The following ADAMTSL1 variants were observed in gnomAD, a reference collection of about 807,000 sequenced individuals.
ADAMTSL1 encodes ADAMTS-like protein 1.
In ADAMTSL1, 126 loss-of-function variants were observed where a neutral mutation model predicts 201.8. The ratio of observed to expected loss-of-function variants is 0.62; its 90% CI spans 0.54 to 0.72. The LOEUF is 0.72. Ranked by LOEUF, ADAMTSL1 falls within the 30% of genes least tolerant of loss-of-function variation. ADAMTSL1 has a pLI of 0.00. For synonymous variants in ADAMTSL1, 1,121 were observed against 903.4 expected, an observed-to-expected ratio of 1.24 and a Z score of -4.32; for missense variants, 2,679 against 2,277.8, an observed-to-expected ratio of 1.18 and a Z score of -3.59.
chr9:18,302,580 T>C (rs1833748816), intron 2 of ADAMTSL1, among the ~76,000 whole-genome samples: 1 of 152,192 alleles, frequency 6.6e-6, no homozygotes, highest in South Asian at 2.1e-4. Flanking sequence ...CAGTGCTAGG[T>C]ATAGAGTGAG....
intron 2 of ADAMTSL1, among the ~76,000 whole-genome samples, chr9:18,335,226 G>A (rs1018119693): frequency 1.5e-4 from 23 of 152,020 alleles, no homozygotes; most frequent in African/African-American, 5.3e-4. Flanking sequence ...AAAATATATT[G>A]AACATGTCCC....
chr9:18,655,484 G>C (rs1828570552), intron 7 of ADAMTSL1, among the ~76,000 whole-genome samples: 1 of 152,156 alleles, frequency 6.6e-6, no homozygotes, highest in Non-Finnish European at 1.5e-5. Flanking sequence ...AACCAAATGT[G>C]TCAAACTGAA....
At position 17,972,140 on chromosome 9, in the gene ADAMTSL1, C is replaced by T. The variant is rs150538713; in HGVS notation, c.87+65218C>T. Among the ~76,000 whole-genome samples, 478 of 151,388 alleles carry T rather than the reference C, an allele frequency of 3.2e-3. 10 individuals are homozygous for T. The highest frequency in any genetic ancestry group is 0.026 in the Admixed American group (396 of 15,172). ...GGTGAGAACATTTAAGTTCTATTTT[C>T]TTTTTCTTTTTTTTAAATTTTTTTA... On this transcript the variant is annotated intron_variant, in intron 1 of 29. Coordinates refer to the ADAMTSL1 transcript ENST00000680146.
Position 18,441,682 on chromosome 9 carries a change from AT to A in ADAMTSL1, c.208-63138del, listed in dbSNP as rs11385744. Among the ~76,000 whole-genome samples, 15 of 151,436 alleles carry A rather than the reference AT, an allele frequency of 9.9e-5. No homozygotes were observed. The East Asian group carries it at 2.3e-3, about 23-fold the overall frequency. ...CCTGCTGAGTTTGTAAAAGGAATCCATTTTTTTTTCTATAATAGGAGATGCT... is the reference window on the plus strand; with the variant it reads ...CCTGCTGAGTTTGTAAAAGGAATCCATTTTTTTTCTATAATAGGAGATGCT... On this transcript the variant is annotated intron_variant, in intron 2 of 29. Coordinates refer to the ADAMTSL1 transcript ENST00000680146.
chr9:18,006,633 C>T (rs1449167153), intron 1 of ADAMTSL1, among the ~76,000 whole-genome samples: 3 of 151,948 alleles, frequency 2.0e-5, no homozygotes, highest in Non-Finnish European at 2.9e-5. Flanking sequence ...TCTCTCTTGG[C>T]CTCAGATTCC....
intron 2 of ADAMTSL1, among the ~76,000 whole-genome samples, chr9:18,310,123 TG>T (rs1834063503): frequency 6.6e-6 from 1 of 151,958 alleles, no homozygotes. Context: ...TTAGGAAAAC[TG>T]GCTAGCCATA....
intron 1 of ADAMTSL1, among the ~76,000 whole-genome samples, chr9:17,907,906 C>T (rs1448447237): frequency 6.6e-6 from 1 of 152,124 alleles, no homozygotes; most frequent in African/African-American, 2.4e-5. Context: ...TGGGAAAATA[C>T]CCAAATACTC....
intron 2 of ADAMTSL1, among the ~76,000 whole-genome samples, chr9:18,306,463 T>C (rs1473097529): frequency 6.6e-6 from 1 of 152,052 alleles, no homozygotes; most frequent in Non-Finnish European, 1.5e-5. Context: ...GTTAGAGAAA[T>C]TGCTAACTAG....
chr9:18,808,846 C>G (rs1823322974), intron 20 of ADAMTSL1, among the ~76,000 whole-genome samples: 1 of 152,204 alleles, frequency 6.6e-6, no homozygotes, highest in South Asian at 2.1e-4. Flanking sequence ...CTATAACTTG[C>G]TAGTTCTGTT....
intron 7 of ADAMTSL1, among the ~76,000 whole-genome samples, chr9:18,639,637 C>A (rs1170595075): frequency 1.3e-5 from 2 of 151,964 alleles, no homozygotes; most frequent in African/African-American, 4.8e-5. Flanking sequence ...TTAATACAAT[C>A]TTTATTATGT....
At chr9:17,976,867 C>T (rs1202007751) in intron 1 of ADAMTSL1, among the ~76,000 whole-genome samples, 1 of 151,860 alleles carries the variant, frequency 6.6e-6, no homozygotes, top group Non-Finnish European at 1.5e-5. Context: ...ACTATCAATA[C>T]AATTTTGAAT....
chr9:18,566,657 A>T (rs1253650529), intron 3 of ADAMTSL1, among the ~76,000 whole-genome samples: 2 of 152,084 alleles, frequency 1.3e-5, no homozygotes, highest in Non-Finnish European at 2.9e-5. Flanking sequence ...CTAAAGTAAG[A>T]GTGTTCCTGG....
chr9:18,283,966 C>G (rs185999239), intron 2 of ADAMTSL1, among the ~76,000 whole-genome samples: 64 of 134,466 alleles, frequency 4.8e-4, no homozygotes, highest in Admixed American at 9.6e-4. Context: ...TGTGGTGGCT[C>G]ACACCTGTAA....
At position 18,887,821 on chromosome 9, in the gene ADAMTSL1, C is replaced by G. The variant is rs1274061053; in HGVS notation, c.4250-10C>G. 6.2e-7 allele frequency: 1 copy of G among 1,611,782 alleles called. No homozygotes were observed. Among genetic ancestry groups the G allele is most frequent in the South Asian group, 1.1e-5 (1 of 90,568 alleles). On this transcript the variant is annotated splice_polypyrimidine_tract_variant and intron_variant, in intron 23 of 28. Coordinates refer to ENST00000380548, the MANE Select transcript of ADAMTSL1 (RefSeq NM_001040272.6). ...TTTACTAAGGCTTACTTCTTTTCCT[C>G]TCCTTCTAGGCTGCCCCATCAAAGG...
At chr9:18,300,822 C>G (rs900897219) in intron 2 of ADAMTSL1, among the ~76,000 whole-genome samples, 2 of 152,024 alleles carry the variant, frequency 1.3e-5, no homozygotes, top group African/African-American at 4.8e-5. Flanking sequence ...GAAATTGGAG[C>G]AGAAATGTGC....
At chr9:18,514,337 T>TC (rs1818231726) in intron 2 of ADAMTSL1, among the ~76,000 whole-genome samples, 1 of 139,166 alleles carries the variant, frequency 7.2e-6, no homozygotes, top group Non-Finnish European at 1.5e-5. Flanking sequence ...CTTTTTTTTT[T>TC]TTTTTTTTTT....
At position 18,706,709 on chromosome 9, in the gene ADAMTSL1, C is replaced by A. The variant is rs76312410; in HGVS notation, c.1575-38C>A. ...AGCCCCCATGGCTTCCTGCCTGGGG[C>A]TTCTCATCCTGTCCTCTTGTTTGCT... On this transcript the variant is annotated intron_variant, in intron 13 of 28. Coordinates refer to ENST00000380548, the MANE Select transcript of ADAMTSL1 (RefSeq NM_001040272.6). 1.1e-3 allele frequency: 1,641 copies of A among 1,536,412 alleles called. 11 individuals carry two copies. In the African/African-American group the frequency reaches 0.016, roughly 15 times the overall value.
chr9:18,820,081 G>C (rs924180088), intron 21 of ADAMTSL1, among the ~76,000 whole-genome samples: 2 of 152,218 alleles, frequency 1.3e-5, no homozygotes, highest in African/African-American at 4.8e-5. Context: ...CTGCCAGTAG[G>C]TAATACTCTA....
At chr9:18,106,428 T>C (rs113551904) in intron 1 of ADAMTSL1, among the ~76,000 whole-genome samples, 2,465 of 152,326 alleles carry the variant, frequency 0.016, 29 homozygotes, top group Non-Finnish European at 0.027. Flanking sequence ...CATTTCTCAA[T>C]GGAACCCCTG....
Sources: gnomAD v4.1 joint callset for allele counts (sites outside exome capture counted in the v4.1 genomes callset) on GRCh38, gnomAD v4.1.1 for gene constraint, MANE v1.5 for transcripts, NCBI Gene and HGNC (gene_info 2026-07-23, HGNC 2026-07-21) for gene names.